ZNF324B: variants seen among roughly 807,000 people sequenced by gnomAD.
ZNF324B encodes the protein zinc finger protein 324B.
A neutral mutation model predicts 10.6 loss-of-function variants in ZNF324B; 7 were observed. That is an observed-to-expected ratio of 0.66 (90% confidence interval 0.38 to 1.24). The LOEUF is 1.24. Ranked by LOEUF, ZNF324B falls within the 50% of genes most tolerant of loss-of-function variation. The pLI is 0.02. For missense variants in ZNF324B, 640 were observed against 764.7 expected (o/e 0.84, Z 1.92); for synonymous variants, 316 against 321.0 (o/e 0.98, Z 0.17).
the ZNF324B span, chr19:58,437,294 C>T: frequency 7.6e-6 from 11 of 1,443,994 alleles, no homozygotes; most frequent in South Asian, 1.4e-5. Flanking sequence ...ATACATCTAC[C>T]ACTAATATCT....
the ZNF324B span, among the ~76,000 whole-genome samples, chr19:58,427,602 G>A: frequency 3.3e-5 from 5 of 150,424 alleles, no homozygotes; most frequent in Non-Finnish European, 5.9e-5. Flanking sequence ...TGATCCGCCC[G>A]CATTGGCCTC....
chr19:58,427,320 T>TTTCTTTCTTTCTTTCTTTCTTTCTTTCC, the ZNF324B span, among the ~76,000 whole-genome samples: 28 of 85,674 alleles, frequency 3.3e-4, 3 homozygotes, highest in Middle Eastern at 4.1e-3. Flanking sequence ...TCTTTCTTTC[T>TTTCTTTCTTTCTTTCTTTCTTTCTTTCC]TTCTTTCTTT....
At chr19:58,435,670 G>A in the ZNF324B span, 1 of 157,728 alleles carries the variant, frequency 6.3e-6, no homozygotes, top group African/African-American at 2.4e-5. Flanking sequence ...ATGTAAAATG[G>A]TGCAGCCAAT....
At chr19:58,433,029 C>G in the ZNF324B span, 2 of 386,324 alleles carry the variant, frequency 5.2e-6, no homozygotes, top group South Asian at 3.7e-5. Context: ...TCCTGAATCC[C>G]TAGAGAACAC....
chr19:58,451,794 G>A (rs2052860427), intron 1 of ZNF324B, 90 bp downstream of exon 1: 2 of 307,894 alleles, frequency 6.5e-6, no homozygotes, highest in South Asian at 2.3e-5. Context: ...GCCCCGGCGG[G>A]AACCACGCGT....
chr19:58,445,548 G>T, the ZNF324B span: 2 of 508,638 alleles, frequency 3.9e-6, no homozygotes, highest in East Asian at 1.1e-4. Context: ...AGGTGTGGTG[G>T]CTCATGCCTG....
chr19:58,455,733 C>G lies in ZNF324B; in HGVS notation c.789C>G (p.Ser263Arg). The stretch of plus-strand genomic sequence containing the variant: ...AGTCCTTCGAATGCAGGGCGTGCAG[C>G]AAAGTGTTCGTGAAGAGCTCCGACC... ...GEKSFECRAC[S>R]KVFVKSSDLL... is the part of the protein sequence containing the mutation. Residue 263 changes from serine to arginine, a missense_variant, in exon 4 of 4, where the codon AGC becomes AGG. Physicochemically the swap from Ser to Arg is moderately radical, Grantham distance 110. This residue lies in a region of ZNF324B where 345 missense variants were observed against 387.9 expected (regional missense o/e 0.89). Transcript: ENST00000336614. The surrounding 1 kb of genome is among the most constrained non-coding windows in gnomAD (Gnocchi z 7.0). 1.9e-6 allele frequency: 3 copies of G among 1,613,878 alleles called. No individual in the cohort carries two copies. The highest frequency in any genetic ancestry group is 1.7e-6 in the Non-Finnish European group (2 of 1,179,958).
chr19:58,455,051 GCCAGCCTCACCTCTT>G lies in ZNF324B; in HGVS notation c.239-130_239-116del, dbSNP rs1309366857. 1 of 1,273,898 alleles carries G rather than the reference GCCAGCCTCACCTCTT, an allele frequency of 7.8e-7. No homozygotes were observed. Among genetic ancestry groups the G allele is most frequent in the South Asian group, 1.2e-5 (1 of 82,486 alleles). 78.9% of individuals were successfully genotyped at this position (1,273,898 alleles called of 1,614,324 possible). Reference sequence around the variant, plus strand: ...TCCAAACCCCAGCCCCTCCTGCAGAGCCAGCCTCACCTCTTCTTTTTCCCTAAGCTTTTGTCCCGG... The same window carrying G: ...TCCAAACCCCAGCCCCTCCTGCAGAGCTTTTTCCCTAAGCTTTTGTCCCGG... On this transcript the variant is annotated intron_variant, in intron 3 of 3. Coordinates refer to ENST00000336614, the MANE Select transcript of ZNF324B (RefSeq NM_207395.3). This position sits in a 1 kb window ranked among gnomAD's most constrained non-coding sequence, Gnocchi z 7.0.
the ZNF324B span, chr19:58,442,064 T>A: frequency 7.1e-3 from 1,085 of 152,412 alleles, 4 homozygotes; most frequent in Non-Finnish European, 0.012. Flanking sequence ...CACTGGCCAG[T>A]GTCCTGCTGT....
intron 1 of ZNF324B, among the ~76,000 whole-genome samples, chr19:58,453,033 C>T (rs1232180089): frequency 6.6e-6 from 1 of 151,726 alleles, no homozygotes; most frequent in African/African-American, 2.4e-5. Context: ...CGAGATTGCC[C>T]CACTGCACTC....
At chr19:58,432,451 A>T in the ZNF324B span, 1 of 382,030 alleles carries the variant, frequency 2.6e-6, no homozygotes, top group South Asian at 2.0e-5. Flanking sequence ...TCACCAGTCT[A>T]CCCAAATCCC....
chr19:58,421,382 G>A, the ZNF324B span, among the ~76,000 whole-genome samples: 268 of 152,192 alleles, frequency 1.8e-3, no homozygotes, highest in African/African-American at 5.8e-3. Flanking sequence ...TAGGGGGAAC[G>A]GAAGCCAATC....
At chr19:58,424,245 G>T in the ZNF324B span, among the ~76,000 whole-genome samples, 9 of 152,012 alleles carry the variant, frequency 5.9e-5, no homozygotes, top group African/African-American at 1.9e-4. Context: ...GTGAAACTCA[G>T]TCTCAAAAGA....
At chr19:58,449,495 ACACT>A, upstream of ZNF324B, among the ~76,000 whole-genome samples, 2 of 152,308 alleles carry the variant, frequency 1.3e-5, no homozygotes, top group Non-Finnish European at 2.9e-5. Context: ...AAAGTCACAG[ACACT>A]CAACACCAGC....
chr19:58,445,176 A>T, the ZNF324B span: 1 of 298,218 alleles, frequency 3.4e-6, no homozygotes, highest in South Asian at 2.9e-5. Context: ...CAATAACTAC[A>T]TGAAAGCTTT....
At chr19:58,437,832 C>T in the ZNF324B span, 1 of 980,196 alleles carries the variant, frequency 1.0e-6, no homozygotes, top group Non-Finnish European at 1.2e-6. Context: ...CCTCCCCTGC[C>T]AGCCCTGTTC....
chr19:58,429,891 G>C, the ZNF324B span: 43 of 152,336 alleles, frequency 2.8e-4, no homozygotes, highest in African/African-American at 8.7e-4. Flanking sequence ...GAGACAGTAT[G>C]GCAGGCAGCT....
the ZNF324B span, chr19:58,434,905 A>G: frequency 4.3e-6 from 7 of 1,614,138 alleles, no homozygotes; most frequent in African/African-American, 1.3e-5. Flanking sequence ...AGAGCTCTTC[A>G]TAAGTGCGTC....
chr19:58,429,456 C>T, the ZNF324B span: 1 of 152,230 alleles, frequency 6.6e-6, no homozygotes, highest in Admixed American at 6.5e-5. Flanking sequence ...CACCCTGCCT[C>T]CCAGGTTCAC....
Sources: gnomAD v4.1 joint callset for allele counts (sites outside exome capture counted in the v4.1 genomes callset) on GRCh38, gnomAD v4.1.1 for gene constraint, gnomAD v4.1.1 regional missense constraint, Gnocchi (gnomAD v3.1) non-coding constraint, MANE v1.5 for transcripts, NCBI Gene and HGNC (gene_info 2026-07-23, HGNC 2026-07-21) for gene names.